BMPR1A: variants seen among roughly 807,000 people sequenced by gnomAD.
The protein encoded by BMPR1A is bone morphogenetic protein receptor type-1A.
BMPR1A carries 7 observed loss-of-function variants against 66.0 expected under a neutral mutation model. The observed-to-expected ratio is 0.11, with a 90% CI of 0.06 to 0.20. The LOEUF (loss-of-function observed/expected upper bound fraction) is 0.20, where lower values mean the gene tolerates loss of function less well. Ranked by LOEUF, BMPR1A falls within the 10% of genes least tolerant of loss-of-function variation. The pLI is 1.00. For synonymous variants in BMPR1A, 200 were observed against 229.7 expected, an observed-to-expected ratio of 0.87 and a Z score of 1.17; for missense variants, 408 against 669.1, an observed-to-expected ratio of 0.61 and a Z score of 4.31.
intron 1 of BMPR1A, among the ~76,000 whole-genome samples, chr10:86,765,748 T>G (rs1354077405): frequency 6.6e-6 from 1 of 152,152 alleles, no homozygotes; most frequent in Admixed American, 6.5e-5. Flanking sequence ...TGGTTGAAAT[T>G]TCAAACAATA....
intron 1 of BMPR1A, among the ~76,000 whole-genome samples, chr10:86,823,349 C>G (rs975282628): frequency 6.6e-6 from 1 of 152,184 alleles, no homozygotes; most frequent in Admixed American, 6.5e-5. Flanking sequence ...AGTGCCATAC[C>G]TATATTAACT....
chr10:86,842,437 A>G (rs781676318), intron 2 of BMPR1A, among the ~76,000 whole-genome samples: 3 of 152,142 alleles, frequency 2.0e-5, no homozygotes, highest in Non-Finnish European at 4.4e-5. Context: ...GAATGTACAG[A>G]AGATAGAATA....
At chr10:86,865,831 A>G (rs995305238) in intron 2 of BMPR1A, among the ~76,000 whole-genome samples, 1 of 152,148 alleles carries the variant, frequency 6.6e-6, no homozygotes, top group Non-Finnish European at 1.5e-5. Context: ...AGTCACCTAC[A>G]TATTTTTAGA....
chr10:86,852,120 TA>T (rs527829936), intron 2 of BMPR1A, among the ~76,000 whole-genome samples: 339 of 142,524 alleles, frequency 2.4e-3, no homozygotes, highest in Middle Eastern at 3.6e-3. Flanking sequence ...TCACAACTGT[TA>T]AAAAAAAAAA....
intron 7 of BMPR1A, among the ~76,000 whole-genome samples, chr10:86,908,332 A>G (rs908367350): frequency 3.3e-5 from 5 of 152,252 alleles, no homozygotes; most frequent in African/African-American, 1.2e-4. Flanking sequence ...AATATGTACA[A>G]CTATTATACA....
chr10:86,793,293 G>T (rs1238247561), intron 1 of BMPR1A, among the ~76,000 whole-genome samples: 1 of 151,932 alleles, frequency 6.6e-6, no homozygotes, highest in African/African-American at 2.4e-5. Context: ...AGTTGTATAG[G>T]GAAGGGTACC....
chr10:86,790,206 T>TAAAA, intron 1 of BMPR1A, among the ~76,000 whole-genome samples: 1 of 33,450 alleles, frequency 3.0e-5, no homozygotes, highest in African/African-American at 1.1e-4. Flanking sequence ...TATATATATA[T>TAAAA]ATATATATAT....
chr10:86,778,678 A>G (rs555488705), intron 1 of BMPR1A, among the ~76,000 whole-genome samples: 1 of 152,284 alleles, frequency 6.6e-6, no homozygotes, highest in East Asian at 1.9e-4. Context: ...AGGATAAAGG[A>G]TAAAGTACTA....
chr10:86,804,814 T>G (rs1841866624), intron 1 of BMPR1A, among the ~76,000 whole-genome samples: 1 of 120,476 alleles, frequency 8.3e-6, no homozygotes, highest in South Asian at 3.0e-4. Context: ...TTTTTTTTTT[T>G]GCTATTCTAA....
At chr10:86,798,161 T>C (rs1054143633) in intron 1 of BMPR1A, among the ~76,000 whole-genome samples, 3 of 138,906 alleles carry the variant, frequency 2.2e-5, no homozygotes, top group Admixed American at 7.4e-5. Context: ...GAGGTATTCC[T>C]TTTTTAGTCC....
At chr10:86,881,972 A>C (rs917208099) in intron 3 of BMPR1A, among the ~76,000 whole-genome samples, 17 of 151,988 alleles carry the variant, frequency 1.1e-4, no homozygotes, top group Non-Finnish European at 1.6e-4. Context: ...ATTACTATTA[A>C]TTTTTTTAGG....
chr10:86,804,788 A>AG (rs1341899897), intron 1 of BMPR1A, among the ~76,000 whole-genome samples: 5 of 99,224 alleles, frequency 5.0e-5, no homozygotes, highest in African/African-American at 2.1e-4. Flanking sequence ...TAATGTTTGT[A>AG]GGTGTTTTTT....
chr10:86,792,761 T>C (rs1333327670), intron 1 of BMPR1A, among the ~76,000 whole-genome samples: 8 of 152,216 alleles, frequency 5.3e-5, no homozygotes, highest in African/African-American at 1.9e-4. Flanking sequence ...AAATATGCTG[T>C]GAAAATTTCA....
chr10:86,917,601 A>T (rs892508092), intron 9 of BMPR1A, among the ~76,000 whole-genome samples: 1 of 152,238 alleles, frequency 6.6e-6, no homozygotes, highest in East Asian at 1.9e-4. Context: ...CCAGTCTTTT[A>T]TAGATAACTT....
chr10:86,760,755 G>C (rs140122554), intron 1 of BMPR1A, among the ~76,000 whole-genome samples: 2 of 152,202 alleles, frequency 1.3e-5, no homozygotes, highest in East Asian at 3.9e-4. Context: ...TTTTGAAGTA[G>C]GAACCATTTC....
At chr10:86,799,506 C>CTTCCTTCCTTCT (rs1354339570) in intron 1 of BMPR1A, among the ~76,000 whole-genome samples, 1 of 64,478 alleles carries the variant, frequency 1.6e-5, no homozygotes, top group African/African-American at 4.2e-5. Context: ...TCCTTCCTTC[C>CTTCCTTCCTTCT]TTTCTTTTCT....
At chr10:86,918,765 G>A (rs1005572138) in intron 9 of BMPR1A, among the ~76,000 whole-genome samples, 2 of 152,144 alleles carry the variant, frequency 1.3e-5, no homozygotes, top group Admixed American at 1.3e-4. Flanking sequence ...CGGGACCACA[G>A]GCACTTGCCA....
At position 86,882,337 on chromosome 10, in the gene BMPR1A, C is replaced by T. The variant is rs528170437; in HGVS notation, c.67+6252C>T. 1.7e-4 allele frequency among the ~76,000 whole-genome samples: 26 copies of T among 152,002 alleles called. 1 individual carries two copies. Among genetic ancestry groups the T allele is most frequent in the African/African-American group, 3.6e-4 (15 of 41,470 alleles). ...ACTCGGGAGGCTGAGGTGGGAGGATCGCTTGAACCAGGGAGGTGGAGGTTG... is the reference window on the plus strand; with the variant it reads ...ACTCGGGAGGCTGAGGTGGGAGGATTGCTTGAACCAGGGAGGTGGAGGTTG... On this transcript the variant is annotated intron_variant, in intron 3 of 12. Coordinates refer to ENST00000372037, the MANE Select transcript of BMPR1A (RefSeq NM_004329.3).
At chr10:86,929,417 C>A (rs993856392), downstream of BMPR1A, 1 of 152,116 alleles carries the variant, frequency 6.6e-6, no homozygotes, top group Admixed American at 6.6e-5. Context: ...TGTCATTTTC[C>A]CACCTGCACT....
Sources: allele counts gnomAD v4.1 joint callset (sites outside exome capture counted in the v4.1 genomes callset), GRCh38; gene constraint gnomAD v4.1.1; transcripts MANE v1.5; gene names NCBI Gene and HGNC (gene_info 2026-07-23, HGNC 2026-07-21).